EFL1: variants seen among roughly 807,000 people sequenced by gnomAD.
EFL1 encodes the protein elongation factor-like GTPase 1.
Under a neutral mutation model 126.7 loss-of-function variants are expected in EFL1, and 76 were observed. The ratio of observed to expected loss-of-function variants is 0.60; its 90% CI spans 0.50 to 0.73. EFL1 has a LOEUF of 0.73. Among genes scored for constraint, EFL1 ranks in the 30% least tolerant of loss-of-function variants. The pLI, the probability that EFL1 is intolerant of heterozygous loss-of-function variation, is 0.00. For missense variants in EFL1, 1,128 were observed against 1,343.2 expected, an observed-to-expected ratio of 0.84 and a Z score of 2.50; for synonymous variants, 410 against 448.4, an observed-to-expected ratio of 0.91 and a Z score of 1.08.
At chr15:82,261,988 C>T (rs867620662) in intron 1 of EFL1, 191 bp from the exon 2 acceptor site, 62 of 516,032 alleles carry the variant, frequency 1.2e-4, no homozygotes, top group Non-Finnish European at 2.0e-4. Flanking sequence ...TATCCTACCA[C>T]GATTACACTT....
chr15:82,237,339 A>G (rs1163007822), intron 7 of EFL1, among the ~76,000 whole-genome samples: 2 of 152,316 alleles, frequency 1.3e-5, no homozygotes, highest in East Asian at 3.9e-4. Context: ...CATTAAGAAA[A>G]TGGGAAAGGA....
intron 18 of EFL1, among the ~76,000 whole-genome samples, chr15:82,145,691 G>A (rs937345928): frequency 5.3e-5 from 8 of 151,638 alleles, no homozygotes; most frequent in South Asian, 2.1e-4. Context: ...AAAAATAGCC[G>A]GGAGTGGTGG....
At chr15:82,221,388 G>C (rs1352398487) in intron 12 of EFL1, among the ~76,000 whole-genome samples, 1 of 152,108 alleles carries the variant, frequency 6.6e-6, no homozygotes, top group Non-Finnish European at 1.5e-5. Context: ...CAGACCCTTA[G>C]GGCTCCTGAT....
intron 15 of EFL1, among the ~76,000 whole-genome samples, chr15:82,204,809 C>T (rs556845625): frequency 2.1e-4 from 32 of 152,334 alleles, no homozygotes; most frequent in African/African-American, 7.5e-4. Context: ...GCCTCTCTGG[C>T]CTGCCCAGTG....
chr15:82,192,092 C>A (rs1434382227), intron 15 of EFL1, among the ~76,000 whole-genome samples: 1 of 152,022 alleles, frequency 6.6e-6, no homozygotes, highest in African/African-American at 2.4e-5. Context: ...GAAGGCTGGG[C>A]ATATTGTATG....
At chr15:82,158,943 GACTA>G (rs1338596424) in intron 16 of EFL1, among the ~76,000 whole-genome samples, 2 of 152,196 alleles carry the variant, frequency 1.3e-5, no homozygotes, top group Non-Finnish European at 1.5e-5. Context: ...CAAGGTCCCA[GACTA>G]ACTAAGTGGC....
chr15:82,177,342 T>C lies in EFL1; in HGVS notation c.1751-13358A>G, dbSNP rs565460475. 7.9e-5 allele frequency among the ~76,000 whole-genome samples: 12 copies of C among 152,314 alleles called. No homozygotes were observed. The South Asian group carries it at 2.5e-3, about 32-fold the overall frequency. The stretch of plus-strand genomic sequence containing the variant: ...TAAAAATAAACCATTTCAGAACCTT[T>C]AAAAAAGAACTGGCAGCAAAGGGGA... On this transcript the variant is annotated intron_variant, in intron 15 of 19. Transcript: ENST00000268206.
intron 11 of EFL1, among the ~76,000 whole-genome samples, chr15:82,225,909 C>A (rs760280801): frequency 6.6e-6 from 1 of 151,800 alleles, no homozygotes; most frequent in Non-Finnish European, 1.5e-5. Context: ...AAAACAATTC[C>A]ATCACCTCAC....
At position 82,152,019 on chromosome 15, in the gene EFL1, G is replaced by C. The variant is rs1419047948; in HGVS notation, c.2435C>G (p.Thr812Arg). 1 of 1,614,020 alleles carries C rather than the reference G, an allele frequency of 6.2e-7. No individual in the cohort carries two copies. The highest frequency in any genetic ancestry group is 8.5e-7 in the Non-Finnish European group (1 of 1,180,048). ...EFKGKLEQHL[T>R]GRRWRNIVDQ... ...AACAATGTTCCTCCATCTTCTCCCT[G>C]TTAGGTGTTGCTCCAGTTTTCCTTT... The change falls in exon 18 of 20, where the codon ACA becomes AGA. Residue 812 changes from threonine (T) to arginine (R), a missense_variant. Around this residue, in one of 6 missense-constraint regions of EFL1, gnomAD observed 561 missense variants for 641.7 expected, o/e 0.87. Transcript: ENST00000268206.
chr15:82,164,009 G>A lies in EFL1; in HGVS notation c.1751-25C>T, dbSNP rs201139592. 272 of 1,608,814 alleles carry A rather than the reference G, an allele frequency of 1.7e-4. No individual in the cohort carries two copies. The Middle Eastern group carries it at 4.3e-3, about 25-fold the overall frequency. On this transcript the variant is annotated intron_variant, in intron 15 of 19. Transcript: ENST00000268206. The stretch of plus-strand genomic sequence containing the variant: ...CCTGTAGGAAGAAAAGATCCATACG[G>A]TCAATAAGGGATGATAAATTCTGAA...
intron 14 of EFL1, among the ~76,000 whole-genome samples, chr15:82,215,099 C>T (rs2074631801): frequency 6.6e-6 from 1 of 152,258 alleles, no homozygotes; most frequent in South Asian, 2.1e-4. Flanking sequence ...AGCTTTATGG[C>T]TAAGTAACAT....
chr15:82,209,663 T>C (rs993324695), intron 15 of EFL1, among the ~76,000 whole-genome samples: 3 of 152,238 alleles, frequency 2.0e-5, no homozygotes, highest in Non-Finnish European at 4.4e-5. Flanking sequence ...TATTGTGTGC[T>C]AAACATGGTG....
At chr15:82,154,695 C>T (rs2073949112) in intron 17 of EFL1, among the ~76,000 whole-genome samples, 1 of 152,084 alleles carries the variant, frequency 6.6e-6, no homozygotes, top group Admixed American at 6.5e-5. Flanking sequence ...TTGTAATAGC[C>T]TCCATTTTTT....
Position 82,150,684 on chromosome 15 carries a change from T to C in EFL1, c.2989+781A>G, listed in dbSNP as rs987904294. On this transcript the variant is annotated intron_variant, in intron 18 of 19. Transcript: ENST00000268206. Reference sequence around the variant, plus strand: ...CTCCCAAAGAGAGAAAAATCAGGAATAGGATTTGATATAATGGTTAGCAGT... The same window carrying C: ...CTCCCAAAGAGAGAAAAATCAGGAACAGGATTTGATATAATGGTTAGCAGT... Among the ~76,000 whole-genome samples the C allele has an allele frequency of 4.6e-5, 7 of 152,124 alleles. No individual in the cohort carries two copies. The East Asian group carries it at 1.2e-3, about 25-fold the overall frequency.
chr15:82,258,174 A>G (rs759520039), intron 3 of EFL1, among the ~76,000 whole-genome samples: 77 of 152,318 alleles, frequency 5.1e-4, no homozygotes, highest in Non-Finnish European at 2.2e-4. Context: ...GGAAACGAAT[A>G]TATCTTTATT....
intron 3 of EFL1, among the ~76,000 whole-genome samples, chr15:82,256,415 A>C (rs1021479457): frequency 2.6e-5 from 4 of 152,190 alleles, no homozygotes; most frequent in African/African-American, 4.8e-5. Flanking sequence ...CTAGCAATTT[A>C]TCTACATTTT....
intron 17 of EFL1, among the ~76,000 whole-genome samples, chr15:82,157,110 T>C (rs2073976349): frequency 6.6e-6 from 1 of 152,214 alleles, no homozygotes; most frequent in South Asian, 2.1e-4. Context: ...TTGTGTATAT[T>C]TGAATATGCA....
At chr15:82,156,450 A>G (rs2073968357) in intron 17 of EFL1, among the ~76,000 whole-genome samples, 1 of 152,114 alleles carries the variant, frequency 6.6e-6, no homozygotes, top group Non-Finnish European at 1.5e-5. Context: ...ACATCCAGCT[A>G]ATTTTTGTAT....
chr15:82,148,310 G>A (rs894216929), intron 18 of EFL1, among the ~76,000 whole-genome samples: 1 of 151,468 alleles, frequency 6.6e-6, no homozygotes, highest in Non-Finnish European at 1.5e-5. Context: ...CCCAGGAGGT[G>A]GAGGTTGCAG....
Sources: allele counts gnomAD v4.1 joint callset (sites outside exome capture counted in the v4.1 genomes callset), GRCh38; gene constraint gnomAD v4.1.1; regional missense constraint gnomAD v4.1.1; transcripts MANE v1.5; gene names NCBI Gene and HGNC (gene_info 2026-07-23, HGNC 2026-07-21).